MIPOL1: variants seen among roughly 807,000 people sequenced by gnomAD.
MIPOL1 encodes the protein mirror-image polydactyly 1, also known as mirror-image polydactyly gene 1 protein.
In MIPOL1, 57 loss-of-function variants were observed where a neutral mutation model predicts 60.9. The ratio of observed to expected loss-of-function variants is 0.94; its 90% CI spans 0.76 to 1.17. The LOEUF (loss-of-function observed/expected upper bound fraction) is 1.17, where lower values mean the gene tolerates loss of function less well. Among genes scored for constraint, MIPOL1 ranks in the 50% most tolerant of loss-of-function variants. The probability of loss-of-function intolerance (pLI) is 0.00; values close to 1 mark genes in which losing one functional copy is unlikely to be tolerated. For synonymous variants in MIPOL1, 179 were observed against 168.8 expected (o/e 1.06, Z -0.47); for missense variants, 551 against 511.6 (o/e 1.08, Z -0.74).
chr14:37,298,567 A>G (rs1200542710), intron 7 of MIPOL1, among the ~76,000 whole-genome samples: 2 of 152,226 alleles, frequency 1.3e-5, no homozygotes, highest in Admixed American at 1.3e-4. Context: ...CAAAGGGCTA[A>G]TATCCAGAAT....
chr14:37,199,986 C>T, intron 1 of MIPOL1, among the ~76,000 whole-genome samples: 1 of 152,166 alleles, frequency 6.6e-6, no homozygotes, highest in East Asian at 1.9e-4. Flanking sequence ...ATGCTTGCAA[C>T]ATTTCACACT....
intron 9 of MIPOL1, among the ~76,000 whole-genome samples, chr14:37,322,573 TTTTC>T (rs2088694173): frequency 6.6e-6 from 1 of 151,896 alleles, no homozygotes; most frequent in Non-Finnish European, 1.5e-5. Flanking sequence ...TAGACCTAGA[TTTTC>T]TTTCTTTAAA....
chr14:37,265,718 C>G (rs1266891933), intron 3 of MIPOL1, among the ~76,000 whole-genome samples: 2 of 152,004 alleles, frequency 1.3e-5, no homozygotes, highest in Non-Finnish European at 2.9e-5. Context: ...AAATTAAATT[C>G]TCAGACTGGG....
chr14:37,501,375 A>G (rs986233615), intron 12 of MIPOL1: 1 of 152,170 alleles, frequency 6.6e-6, no homozygotes, highest in Non-Finnish European at 1.5e-5. Context: ...AAGTCTACAA[A>G]TACATACAAA....
At chr14:37,536,627 GT>G (rs2153638702) in intron 12 of MIPOL1, among the ~76,000 whole-genome samples, 1 of 152,200 alleles carries the variant, frequency 6.6e-6, no homozygotes, top group East Asian at 1.9e-4. Flanking sequence ...TTTGTTTTGA[GT>G]TTTTTCTCGC....
At chr14:37,329,797 C>T (rs1373976872) in intron 9 of MIPOL1, among the ~76,000 whole-genome samples, 1 of 152,140 alleles carries the variant, frequency 6.6e-6, no homozygotes, top group Non-Finnish European at 1.5e-5. Context: ...AGAAACATCT[C>T]TGTCCTTTTA....
At chr14:37,319,160 A>G (rs1182802875) in intron 9 of MIPOL1, among the ~76,000 whole-genome samples, 3 of 152,082 alleles carry the variant, frequency 2.0e-5, no homozygotes, top group Non-Finnish European at 4.4e-5. Flanking sequence ...GATAATGTGG[A>G]CATGTTAAGA....
intron 11 of MIPOL1, among the ~76,000 whole-genome samples, chr14:37,477,827 G>T (rs542435886): frequency 5.1e-4 from 78 of 152,356 alleles, no homozygotes; most frequent in Middle Eastern, 3.4e-3. Flanking sequence ...CAGGCTGGAT[G>T]CATGAACAGC....
intron 9 of MIPOL1, among the ~76,000 whole-genome samples, chr14:37,327,391 G>A (rs1280429242): frequency 6.6e-6 from 1 of 152,088 alleles, no homozygotes. Flanking sequence ...AGGCTCAAGG[G>A]ATCCTCTTGC....
intron 11 of MIPOL1, among the ~76,000 whole-genome samples, chr14:37,490,973 T>C (rs2095039571): frequency 6.6e-6 from 1 of 152,186 alleles, no homozygotes; most frequent in Non-Finnish European, 1.5e-5. Flanking sequence ...AGCAGAAGTC[T>C]CCCTTCTATT....
intron 6 of MIPOL1, among the ~76,000 whole-genome samples, chr14:37,284,190 C>T (rs921318903): frequency 6.6e-6 from 1 of 152,144 alleles, no homozygotes. Flanking sequence ...CTGCTCTGTG[C>T]AGATGTGCAC....
rs138170095 is a variant in MIPOL1 at position 37,292,275 on chromosome 14, A to G, written c.623+6828A>G. On this transcript the variant is annotated intron_variant, in intron 7 of 12. Coordinates refer to ENST00000684589, the MANE Select transcript of MIPOL1 (RefSeq NM_001388067.1). ...GAGTTTTGGAGAGGACAAGCATTCA[A>G]ATCATAGCACGTTGGTTGATGTTTT... Among the ~76,000 whole-genome samples the G allele has an allele frequency of 1.7e-3, 263 of 152,032 alleles. 1 individual carries two copies. The highest frequency in any genetic ancestry group is 6.0e-3 in the African/African-American group (250 of 41,502).
At chr14:37,516,412 C>T (rs988670503) in intron 12 of MIPOL1, among the ~76,000 whole-genome samples, 1 of 152,088 alleles carries the variant, frequency 6.6e-6, no homozygotes, top group African/African-American at 2.4e-5. Flanking sequence ...TTCATTTCTT[C>T]TGATTTGAGG....
chr14:37,303,283 G>A (rs1043020859), intron 7 of MIPOL1, among the ~76,000 whole-genome samples: 3 of 151,832 alleles, frequency 2.0e-5, no homozygotes, highest in Non-Finnish European at 4.4e-5. Context: ...GTCTACCTCA[G>A]ATTTACACAG....
At chr14:37,355,868 C>G (rs1202092330) in intron 9 of MIPOL1, among the ~76,000 whole-genome samples, 1 of 149,566 alleles carries the variant, frequency 6.7e-6, no homozygotes, top group Non-Finnish European at 1.5e-5. Context: ...TCCTGTAGCT[C>G]AGAGTAATTT....
chr14:37,434,073 G>A (rs1007569115), intron 11 of MIPOL1, among the ~76,000 whole-genome samples: 2 of 152,140 alleles, frequency 1.3e-5, no homozygotes, highest in Non-Finnish European at 2.9e-5. Context: ...GGATCAAATG[G>A]TATTTCTGGT....
chr14:37,256,837 C>A (rs996462583), intron 3 of MIPOL1, among the ~76,000 whole-genome samples: 3 of 151,792 alleles, frequency 2.0e-5, no homozygotes, highest in Admixed American at 6.6e-5. Context: ...TTTAAAAAGT[C>A]TCTGCCCCTC....
intron 11 of MIPOL1, among the ~76,000 whole-genome samples, chr14:37,455,440 T>C (rs1594435288): frequency 6.6e-6 from 1 of 152,142 alleles, no homozygotes; most frequent in Non-Finnish European, 1.5e-5. Flanking sequence ...CACAGGATAA[T>C]ATTATAGTTT....
chr14:37,383,541 A>C (rs1041342015), intron 10 of MIPOL1, among the ~76,000 whole-genome samples: 4 of 151,888 alleles, frequency 2.6e-5, no homozygotes, highest in Admixed American at 2.6e-4. Flanking sequence ...TCAGGTTTTA[A>C]GTCTGAGGTG....
Sources: allele counts gnomAD v4.1 joint callset (sites outside exome capture counted in the v4.1 genomes callset), GRCh38; gene constraint gnomAD v4.1.1; transcripts MANE v1.5; gene names NCBI Gene and HGNC (gene_info 2026-07-23, HGNC 2026-07-21).